Variants in LRP1B observed in about 807,000 individuals in gnomAD.
The protein encoded by LRP1B is low-density lipoprotein receptor-related protein 1B.
Under a neutral mutation model 556.6 loss-of-function variants are expected in LRP1B, and 217 were observed. The observed-to-expected ratio is 0.39, with a 90% CI of 0.35 to 0.44. The LOEUF (loss-of-function observed/expected upper bound fraction) is 0.44. Ranked by LOEUF, LRP1B falls within the 20% of genes least tolerant of loss-of-function variation. The probability of loss-of-function intolerance (pLI) is 1.00; values close to 1 mark genes in which losing one functional copy is unlikely to be tolerated. For missense variants in LRP1B, 5,053 were observed against 5,620.8 expected, an observed-to-expected ratio of 0.90 and a Z score of 3.23; for synonymous variants, 2,047 against 1,865.8, an observed-to-expected ratio of 1.10 and a Z score of -2.50.
At chr2:140,868,435 A>C (rs1367874450) in intron 25 of LRP1B, among the ~76,000 whole-genome samples, 172 bp from the exon 26 acceptor site, 1 of 152,092 alleles carries the variant, frequency 6.6e-6, no homozygotes, top group Non-Finnish European at 1.5e-5. Context: ...AGCCAGACTA[A>C]ATAAGTGCAT....
In LRP1B at chr2:140,291,320, T is replaced by TATATATATATATGTATATATA; in HGVS notation, c.12967+6487_12967+6488insTATATATACATATATATATAT. On this transcript the variant is annotated intron_variant, in intron 84 of 90. Transcript: ENST00000389484. ...ATTTTATATATATATATATATATAT[T>TATATATATATATGTATATATA]TTTATTATACTTTAAGTTCTAGGGT... Among the ~76,000 whole-genome samples the TATATATATATATGTATATATA allele has an allele frequency of 3.9e-5, 2 of 51,856 alleles. 1 individual carries two copies. Among genetic ancestry groups the TATATATATATATGTATATATA allele is most frequent in the Non-Finnish European group, 7.7e-5 (2 of 25,860 alleles). The allele number at this position is 51,856 out of a possible 152,430, so 34.0% of individuals were successfully genotyped here. A position where few individuals can be genotyped will look rare whatever the true frequency, so the allele number is the denominator to read the frequency against.
At chr2:141,114,182 G>A (rs1700823201) in intron 7 of LRP1B, among the ~76,000 whole-genome samples, 1 of 152,216 alleles carries the variant, frequency 6.6e-6, no homozygotes, top group South Asian at 2.1e-4. Flanking sequence ...CAGGAGCCAG[G>A]GCAACCTCTT....
Position 140,429,806 on chromosome 2 carries a change from A to T in LRP1B, c.10414+12698T>A, listed in dbSNP as rs1685838670. On this transcript the variant is annotated intron_variant, in intron 66 of 90. Coordinates refer to ENST00000389484, the MANE Select transcript of LRP1B (RefSeq NM_018557.3). Reference sequence around the variant, plus strand: ...GTGCAGTGGCTGCCACCACCCTAATACTTTTGGACACCCTCAAAATCACAA... The same window carrying T: ...GTGCAGTGGCTGCCACCACCCTAATTCTTTTGGACACCCTCAAAATCACAA... Among the ~76,000 whole-genome samples the T allele has an allele frequency of 2.6e-5, 4 of 152,016 alleles. No homozygotes were observed. The South Asian group carries it at 8.3e-4, about 32-fold the overall frequency.
chr2:141,467,334 A>C (rs1300218983), intron 3 of LRP1B, among the ~76,000 whole-genome samples: 1 of 152,038 alleles, frequency 6.6e-6, no homozygotes, highest in African/African-American at 2.4e-5. Flanking sequence ...GAGAAGTGAA[A>C]GAAAAGCATG....
At chr2:140,700,042 C>T (rs1453817086) in intron 41 of LRP1B, among the ~76,000 whole-genome samples, 1 of 125,170 alleles carries the variant, frequency 8.0e-6, no homozygotes, top group African/African-American at 2.9e-5. Context: ...AGGTAATAAT[C>T]ATAATTTGCT....
intron 2 of LRP1B, among the ~76,000 whole-genome samples, chr2:141,588,714 C>T (rs1687225842): frequency 6.6e-6 from 1 of 152,142 alleles, no homozygotes; most frequent in Admixed American, 6.5e-5. Flanking sequence ...TTCTCCTTCC[C>T]TCTCTACATT....
At chr2:140,925,366 C>G (rs1694855869) in intron 20 of LRP1B, among the ~76,000 whole-genome samples, 1 of 152,134 alleles carries the variant, frequency 6.6e-6, no homozygotes. Flanking sequence ...AGAGACAACT[C>G]AGATAGACCT....
chr2:141,040,701 A>G (rs1698672086), intron 11 of LRP1B, among the ~76,000 whole-genome samples: 2 of 152,054 alleles, frequency 1.3e-5, no homozygotes, highest in Admixed American at 1.3e-4. Context: ...TCAGAGAATA[A>G]TTGATGGGCT....
intron 1 of LRP1B, among the ~76,000 whole-genome samples, chr2:141,930,781 T>G (rs1273382291): frequency 6.6e-6 from 1 of 152,056 alleles, no homozygotes; most frequent in Non-Finnish European, 1.5e-5. Flanking sequence ...AAGGCCAAAC[T>G]CTCACTTTAG....
At chr2:140,925,881 AATCTTTGAGGAG>A (rs1211074969) in intron 20 of LRP1B, among the ~76,000 whole-genome samples, 89 of 152,268 alleles carry the variant, frequency 5.8e-4, no homozygotes, top group African/African-American at 1.9e-3. Flanking sequence ...ATCAAAGCAG[AATCTTTGAGGAG>A]AGAGAGTATA....
rs113844869 is a variant in LRP1B at position 141,810,278 on chromosome 2, C to T, written c.205+1G>A. ...AATGGCATGAGAACCTTTCTACTCA[C>T]AGGTATCTAAAGACTCGTCTGAATC... On this transcript the variant is annotated splice_donor_variant, in intron 2 of 90. Coordinates refer to ENST00000389484, the MANE Select transcript of LRP1B (RefSeq NM_018557.3). LOFTEE classifies it high-confidence loss of function. The T allele has an allele frequency of 1.9e-6, 3 of 1,612,684 alleles. No individual in the cohort carries two copies. The highest frequency in any genetic ancestry group is 1.7e-5 in the Admixed American group (1 of 59,846).
chr2:140,750,706 T>A (rs1381304068), intron 35 of LRP1B, among the ~76,000 whole-genome samples: 1 of 152,178 alleles, frequency 6.6e-6, no homozygotes, highest in Non-Finnish European at 1.5e-5. Context: ...ACTTATTGAC[T>A]ACAGTGACAT....
chr2:140,966,428 T>A (rs1002204106), intron 18 of LRP1B, among the ~76,000 whole-genome samples: 45 of 152,146 alleles, frequency 3.0e-4, no homozygotes, highest in African/African-American at 9.2e-4. Flanking sequence ...GTTTGAGTTC[T>A]TTGTAGATTC....
chr2:141,882,096 G>A (rs1169492708), intron 1 of LRP1B, among the ~76,000 whole-genome samples: 2 of 152,010 alleles, frequency 1.3e-5, no homozygotes, highest in Non-Finnish European at 2.9e-5. Context: ...CATTACAAAA[G>A]TAATACACCC....
chr2:140,497,822 AAC>A (rs1689010096), intron 55 of LRP1B, among the ~76,000 whole-genome samples: 1 of 151,964 alleles, frequency 6.6e-6, no homozygotes, highest in South Asian at 2.1e-4. Context: ...CTTGGATAAA[AAC>A]ACACAATGGA....
chr2:141,929,259 C>CG (rs2104990672), intron 1 of LRP1B, among the ~76,000 whole-genome samples: 1 of 152,230 alleles, frequency 6.6e-6, no homozygotes, highest in South Asian at 2.1e-4. Context: ...CTAACGTACA[C>CG]GACCATTCCT....
chr2:140,701,817 C>G lies in LRP1B; in HGVS notation c.6331G>C (p.Gly2111Arg), dbSNP rs748808497. The part of the protein sequence containing the change: ...RAHANGSVRR[G>R]HKNDATETIT... The stretch of plus-strand genomic sequence containing the variant: ...GTTTCTGTGGCATCATTCTTGTGGC[C>G]CCTTCTGACAGACCCGTTTGCATGT... The change falls in exon 40 of 91, where the codon GGC (glycine) becomes CGC (arginine). Residue 2111 changes from glycine to arginine, a missense_variant. Around this residue, in one of 5 missense-constraint regions of LRP1B, gnomAD observed 3,619 missense variants for 3,931.9 expected, o/e 0.92. Coordinates refer to ENST00000389484, the MANE Select transcript of LRP1B (RefSeq NM_018557.3). 3.7e-6 allele frequency: 6 copies of G among 1,612,926 alleles called. 1 individual carries two copies. The highest frequency in any genetic ancestry group is 1.7e-5 in the Admixed American group (1 of 59,854).
chr2:142,111,582 T>C (rs920238101), intron 1 of LRP1B, among the ~76,000 whole-genome samples: 1 of 152,114 alleles, frequency 6.6e-6, no homozygotes, highest in Non-Finnish European at 1.5e-5. Flanking sequence ...TGATTCATCC[T>C]GAAAAGGATT....
intron 7 of LRP1B, among the ~76,000 whole-genome samples, chr2:141,163,315 A>G (rs545624816): frequency 6.6e-6 from 1 of 152,206 alleles, no homozygotes; most frequent in South Asian, 2.1e-4. Flanking sequence ...ACAATTGCAT[A>G]TATTTCCAAG....
Sources: gnomAD v4.1 joint callset for allele counts (sites outside exome capture counted in the v4.1 genomes callset) on GRCh38, gnomAD v4.1.1 for gene constraint, gnomAD v4.1.1 regional missense constraint, MANE v1.5 for transcripts, NCBI Gene and HGNC (gene_info 2026-07-23, HGNC 2026-07-21) for gene names.